The following NKAIN2 variants were observed in gnomAD, a reference collection of about 807,000 sequenced individuals.
NKAIN2 encodes the protein sodium/potassium transporting ATPase interacting 2, also known as sodium/potassium-transporting ATPase subunit beta-1-interacting protein 2.
Under a neutral mutation model 32.6 loss-of-function variants are expected in NKAIN2, and 14 were observed. That is an observed-to-expected ratio of 0.43 (90% confidence interval 0.28 to 0.67). The LOEUF (loss-of-function observed/expected upper bound fraction) is 0.67, where lower values mean the gene tolerates loss of function less well. NKAIN2 is among the 30% of genes least tolerant of loss of function. NKAIN2 has a pLI of 0.17. For synonymous variants in NKAIN2, 80 were observed against 87.2 expected, an observed-to-expected ratio of 0.92 and a Z score of 0.46; for missense variants, 198 against 258.3, an observed-to-expected ratio of 0.77 and a Z score of 1.60.
Position 124,483,076 on chromosome 6 carries a change from C to G in NKAIN2, c.273+127729C>G, listed in dbSNP as rs144957017. 9.9e-3 allele frequency among the ~76,000 whole-genome samples: 1,478 copies of G among 148,584 alleles called. 12 individuals are homozygous for G. The highest frequency in any genetic ancestry group is 0.016 in the Non-Finnish European group (1,081 of 65,918). On this transcript the variant is annotated intron_variant, in intron 3 of 6. Coordinates refer to ENST00000368417, the MANE Select transcript of NKAIN2 (RefSeq NM_001040214.3). The stretch of plus-strand genomic sequence containing the variant: ...GGCGGAGCTTGCAGTGAGCCGAGAT[C>G]GTGCCACTGCACTCCAGCCTGGACG...
chr6:124,332,412 T>C (rs2115055231), intron 2 of NKAIN2, among the ~76,000 whole-genome samples: 1 of 152,298 alleles, frequency 6.6e-6, no homozygotes, highest in Non-Finnish European at 1.5e-5. Context: ...AGTATTTTAG[T>C]ACTAAATGTT....
At chr6:124,754,410 T>TG (rs1356296031) in intron 4 of NKAIN2, among the ~76,000 whole-genome samples, 9 of 151,970 alleles carry the variant, frequency 5.9e-5, no homozygotes, top group East Asian at 1.9e-4. Flanking sequence ...GGGGTTAACA[T>TG]GAAATGTTAA....
chr6:124,221,260 C>A (rs1166540885), intron 1 of NKAIN2, among the ~76,000 whole-genome samples: 1 of 151,870 alleles, frequency 6.6e-6, no homozygotes, highest in Admixed American at 6.6e-5. Flanking sequence ...TTTGTAGGGA[C>A]ATGGATGAAA....
At chr6:124,412,227 G>T (rs563766227) in intron 3 of NKAIN2, among the ~76,000 whole-genome samples, 1 of 152,266 alleles carries the variant, frequency 6.6e-6, no homozygotes, top group African/African-American at 2.4e-5. Context: ...GTGAGGAGCT[G>T]TTCTTTTGGA....
chr6:124,331,224 G>C (rs200095012), intron 2 of NKAIN2, among the ~76,000 whole-genome samples: 5 of 151,396 alleles, frequency 3.3e-5, no homozygotes, highest in African/African-American at 4.9e-5. Context: ...AAAATCGGCC[G>C]GGCACAGTGG....
At chr6:124,722,407 C>T (rs908772107) in intron 4 of NKAIN2, among the ~76,000 whole-genome samples, 1 of 152,146 alleles carries the variant, frequency 6.6e-6, no homozygotes. Flanking sequence ...TTTTTGGCAA[C>T]AGGGACCAGT....
At chr6:124,696,454 G>T (rs529493591) in intron 4 of NKAIN2, among the ~76,000 whole-genome samples, 1 of 152,030 alleles carries the variant, frequency 6.6e-6, no homozygotes, top group South Asian at 2.1e-4. Context: ...TCTCCCTGCC[G>T]CAAGCCACCT....
chr6:124,169,325 G>A (rs1019370863), intron 1 of NKAIN2, among the ~76,000 whole-genome samples: 3 of 152,050 alleles, frequency 2.0e-5, no homozygotes, highest in African/African-American at 7.2e-5. Flanking sequence ...GATATTGAAA[G>A]AGGCTAATTC....
intron 1 of NKAIN2, among the ~76,000 whole-genome samples, chr6:123,941,363 A>G (rs1345480187): frequency 6.6e-6 from 1 of 151,920 alleles, no homozygotes; most frequent in South Asian, 2.1e-4. Context: ...ATAGTCATTT[A>G]TTATCATAAT....
intron 3 of NKAIN2, among the ~76,000 whole-genome samples, chr6:124,377,528 A>G (rs1583154564): frequency 1.3e-5 from 2 of 152,170 alleles, no homozygotes; most frequent in African/African-American, 4.8e-5. Flanking sequence ...AATGGTACCT[A>G]AAGGATGAGT....
At chr6:123,994,684 G>A (rs1395868508) in intron 1 of NKAIN2, among the ~76,000 whole-genome samples, 2 of 152,004 alleles carry the variant, frequency 1.3e-5, no homozygotes, top group Non-Finnish European at 2.9e-5. Context: ...CATAGTATCT[G>A]CCTGTATTTA....
chr6:124,221,897 A>G (rs775298191), intron 1 of NKAIN2, among the ~76,000 whole-genome samples: 3 of 152,220 alleles, frequency 2.0e-5, no homozygotes, highest in Non-Finnish European at 2.9e-5. Flanking sequence ...GCATGGATCA[A>G]CTGAGGTTAC....
chr6:124,740,021 C>G (rs1777128205), intron 4 of NKAIN2, among the ~76,000 whole-genome samples: 1 of 151,868 alleles, frequency 6.6e-6, no homozygotes, highest in African/African-American at 2.4e-5. Flanking sequence ...CCTGGAGAGA[C>G]ACTTGTTTAA....
intron 1 of NKAIN2, among the ~76,000 whole-genome samples, chr6:123,923,656 T>C (rs981016038): frequency 2.0e-5 from 3 of 151,090 alleles, no homozygotes; most frequent in African/African-American, 4.9e-5. Context: ...ATGGATGAAA[T>C]TGGAAACCAT....
intron 1 of NKAIN2, among the ~76,000 whole-genome samples, chr6:124,245,430 T>A (rs964613096): frequency 6.6e-6 from 1 of 151,740 alleles, no homozygotes; most frequent in Admixed American, 6.6e-5. Flanking sequence ...ACAGGAGTGT[T>A]ATATATATAT....
chr6:124,701,153 GCACACACACA>G (rs60670238), intron 4 of NKAIN2, among the ~76,000 whole-genome samples: 1 of 132,030 alleles, frequency 7.6e-6, no homozygotes, highest in Non-Finnish European at 1.7e-5. Flanking sequence ...ACACACACAC[GCACACACACA>G]CACACACACA....
At chr6:124,263,165 A>T (rs1794328678) in intron 1 of NKAIN2, among the ~76,000 whole-genome samples, 1 of 152,192 alleles carries the variant, frequency 6.6e-6, no homozygotes, top group South Asian at 2.1e-4. Flanking sequence ...TATGATGGCT[A>T]AATACTATAT....
At chr6:124,161,062 T>C (rs1032646417) in intron 1 of NKAIN2, among the ~76,000 whole-genome samples, 1 of 152,178 alleles carries the variant, frequency 6.6e-6, no homozygotes, top group African/African-American at 2.4e-5. Flanking sequence ...AGACCTTATA[T>C]TAGTCCACTT....
At chr6:124,559,877 G>A (rs929518541) in intron 3 of NKAIN2, among the ~76,000 whole-genome samples, 3 of 103,852 alleles carry the variant, frequency 2.9e-5, no homozygotes, top group Non-Finnish European at 3.5e-5. Context: ...AAGCCATCAA[G>A]ATCATGAGAT....
Sources: gnomAD v4.1 joint callset for allele counts (sites outside exome capture counted in the v4.1 genomes callset) on GRCh38, gnomAD v4.1.1 for gene constraint, MANE v1.5 for transcripts, NCBI Gene and HGNC (gene_info 2026-07-23, HGNC 2026-07-21) for gene names.